Variants in ECPAS observed in about 807,000 individuals in gnomAD.
ECPAS encodes the protein proteasome adapter and scaffold protein ECM29.
ECPAS carries 70 observed loss-of-function variants against 255.1 expected under a neutral mutation model. The observed-to-expected ratio is 0.27, with a 90% confidence interval of 0.23 to 0.33. The LOEUF (loss-of-function observed/expected upper bound fraction) is 0.33. Ranked by LOEUF, ECPAS falls within the 10% of genes least tolerant of loss-of-function variation. The pLI is 1.00. For synonymous variants in ECPAS, 784 were observed against 775.0 expected, an observed-to-expected ratio of 1.01 and a Z score of -0.19; for missense variants, 1,817 against 2,206.4, an observed-to-expected ratio of 0.82 and a Z score of 3.54.
intron 24 of ECPAS, among the ~76,000 whole-genome samples, chr9:111,399,134 A>C (rs1262427452): frequency 1.3e-5 from 2 of 152,212 alleles, no homozygotes; most frequent in East Asian, 3.8e-4. Flanking sequence ...GTCTGTATCA[A>C]AACACCTCAT....
In ECPAS at chr9:111,440,767, G is replaced by GA. The variant is rs1461230408; in HGVS notation, c.390-247dup. ...ATCTGGCTCATGACTAAAATTACCT[G>GA]AAAAAAATACATCAAATGGGCTCAG... On this transcript the variant is annotated intron_variant, in intron 5 of 49. Transcript: ENST00000684092. Among the ~76,000 whole-genome samples the GA allele has an allele frequency of 3.9e-5, 6 of 152,194 alleles. No individual in the cohort carries two copies. In the East Asian group the frequency reaches 1.2e-3, roughly 29 times the overall value.
intron 1 of ECPAS, among the ~76,000 whole-genome samples, chr9:111,475,736 C>CAA (rs1285853583): frequency 2.0e-4 from 19 of 94,174 alleles, no homozygotes; most frequent in African/African-American, 3.8e-4. Context: ...ACTCTAGTTT[C>CAA]AAAAAAAAAA....
chr9:111,384,673 G>GA, intron 33 of ECPAS, 104 bp from the exon 34 acceptor site: 1 of 991,996 alleles, frequency 1.0e-6, no homozygotes, highest in African/African-American at 1.6e-5. Flanking sequence ...AGATTTGGTG[G>GA]AAAATCTTAC....
intron 40 of ECPAS, 25 bp downstream of exon 40, chr9:111,373,290 T>C: frequency 6.2e-7 from 1 of 1,613,094 alleles, no homozygotes; most frequent in East Asian, 2.2e-5. Flanking sequence ...GAGTTTTATT[T>C]AACTAAGCAA....
rs1175069322 is a variant in ECPAS at position 111,481,424 on chromosome 9, T to C, written c.-83+2692A>G. Among the ~76,000 whole-genome samples, 7 of 152,106 alleles carry C rather than the reference T, an allele frequency of 4.6e-5. No homozygotes were observed. In the East Asian group the frequency reaches 1.3e-3, roughly 29 times the overall value. On this transcript the variant is annotated intron_variant, in intron 1 of 49. Coordinates refer to ENST00000684092, the MANE Select transcript of ECPAS (RefSeq NM_001364929.1). ...GGAGGGCTGAGGCATAAGAATGGCGTGAACCTGGGAGGCGGAGCTTACAGT... is the reference window on the plus strand; with the variant it reads ...GGAGGGCTGAGGCATAAGAATGGCGCGAACCTGGGAGGCGGAGCTTACAGT...
At chr9:111,405,518 G>C (rs1209710269) in intron 24 of ECPAS, among the ~76,000 whole-genome samples, 2 of 149,630 alleles carry the variant, frequency 1.3e-5, no homozygotes, top group Non-Finnish European at 2.9e-5. Flanking sequence ...TAAAAGCACA[G>C]ACAACTAAAG....
intron 37 of ECPAS, 135 bp downstream of exon 37, chr9:111,376,341 G>GA: frequency 3.1e-6 from 2 of 647,498 alleles, no homozygotes; most frequent in Non-Finnish European, 5.5e-6. Flanking sequence ...AATATACTAA[G>GA]AAAAAACTGG....
At chr9:111,428,589 G>A (rs1439048618) in intron 9 of ECPAS, among the ~76,000 whole-genome samples, 3 of 151,926 alleles carry the variant, frequency 2.0e-5, no homozygotes, top group Non-Finnish European at 4.4e-5. Context: ...CATTGTTTTG[G>A]TTGAAATAAG....
At chr9:111,367,747 A>G (rs745678487) in intron 46 of ECPAS, among the ~76,000 whole-genome samples, 9 of 152,168 alleles carry the variant, frequency 5.9e-5, no homozygotes, top group Admixed American at 1.3e-4. Flanking sequence ...TTTTTATAAC[A>G]TTCAATAATA....
intron 10 of ECPAS, among the ~76,000 whole-genome samples, 187 bp downstream of exon 10, chr9:111,427,855 A>G (rs981863101): frequency 2.0e-5 from 3 of 152,198 alleles, no homozygotes; most frequent in Admixed American, 2.0e-4. Flanking sequence ...TGCTCAACCT[A>G]TATATATTTT....
rs76745403 is a variant in ECPAS at position 111,363,780 on chromosome 9, A to ATT, written c.5309-123_5309-122dup. The ATT allele has an allele frequency of 1.3e-3, 613 of 485,508 alleles. 1 individual carries two copies. Among genetic ancestry groups the ATT allele is most frequent in the East Asian group, 3.3e-3 (81 of 24,718 alleles). The allele number at this position is 485,508 out of a possible 1,614,324, so 30.1% of individuals were successfully genotyped here. On this transcript the variant is annotated intron_variant, in intron 48 of 49. Transcript: ENST00000684092. ...ACAACTCTAGGGAAGGGTATATCTG[A>ATT]TTTTTTTTTTTTAAAGGAAGCTTCC...
At chr9:111,456,650 A>G (rs1039790768) in intron 2 of ECPAS, among the ~76,000 whole-genome samples, 4 of 152,218 alleles carry the variant, frequency 2.6e-5, no homozygotes, top group African/African-American at 7.2e-5. Flanking sequence ...AGCTAACTCC[A>G]TATGTGACCA....
chr9:111,376,987 G>T (rs2098134052), intron 36 of ECPAS, among the ~76,000 whole-genome samples: 1 of 152,172 alleles, frequency 6.6e-6, no homozygotes, highest in African/African-American at 2.4e-5. Flanking sequence ...TGAAGGAGAG[G>T]TTAACACTAT....
chr9:111,395,685 G>A (rs943221744), intron 25 of ECPAS, among the ~76,000 whole-genome samples: 1 of 152,060 alleles, frequency 6.6e-6, no homozygotes, highest in Non-Finnish European at 1.5e-5. Context: ...AAAACCCATG[G>A]AGTCAAAAAC....
At chr9:111,449,222 A>G (rs1182247303) in intron 3 of ECPAS, among the ~76,000 whole-genome samples, 1 of 152,154 alleles carries the variant, frequency 6.6e-6, no homozygotes, top group Non-Finnish European at 1.5e-5. Flanking sequence ...AAAAAAAGAA[A>G]TAATTTGAAT....
At chr9:111,438,950 AAAG>A (rs1194298071) in intron 6 of ECPAS, among the ~76,000 whole-genome samples, 6 of 152,230 alleles carry the variant, frequency 3.9e-5, no homozygotes, top group Non-Finnish European at 7.3e-5. Flanking sequence ...ATCAGGAAAG[AAAG>A]AAGATGAAAA....
intron 37 of ECPAS, among the ~76,000 whole-genome samples, chr9:111,375,929 T>C (rs1291045452): frequency 2.6e-5 from 4 of 152,138 alleles, no homozygotes; most frequent in African/African-American, 7.2e-5. Flanking sequence ...AACACAATCA[T>C]AGCTAACTAA....
chr9:111,443,394 G>T (rs778794490), intron 4 of ECPAS, among the ~76,000 whole-genome samples: 1 of 152,054 alleles, frequency 6.6e-6, no homozygotes, highest in Non-Finnish European at 1.5e-5. Context: ...GGGACTACAG[G>T]CACGCGCCAC....
intron 25 of ECPAS, among the ~76,000 whole-genome samples, chr9:111,395,100 C>G (rs1479742111): frequency 6.6e-6 from 1 of 152,166 alleles, no homozygotes; most frequent in Non-Finnish European, 1.5e-5. Context: ...AATTCCCCTC[C>G]GCCCCTTGTC....
Sources: gnomAD v4.1 joint callset for allele counts (sites outside exome capture counted in the v4.1 genomes callset) on GRCh38, gnomAD v4.1.1 for gene constraint, MANE v1.5 for transcripts, NCBI Gene and HGNC (gene_info 2026-07-23, HGNC 2026-07-21) for gene names.